The following NSG2 variants were observed in gnomAD, a reference collection of about 807,000 sequenced individuals.
The protein encoded by NSG2 is neuronal vesicle trafficking-associated protein 2.
NSG2 carries 4 observed loss-of-function variants against 16.9 expected under a neutral mutation model. That is an observed-to-expected ratio of 0.24 (90% CI 0.12 to 0.54). The LOEUF (loss-of-function observed/expected upper bound fraction) is 0.54, where lower values mean the gene tolerates loss of function less well. Ranked by LOEUF, NSG2 falls within the 20% of genes least tolerant of loss-of-function variation. The pLI, the probability that NSG2 is intolerant of heterozygous loss-of-function variation, is 0.95. For synonymous variants in NSG2, 98 were observed against 88.7 expected, an observed-to-expected ratio of 1.11 and a Z score of -0.59; for missense variants, 179 against 221.1, an observed-to-expected ratio of 0.81 and a Z score of 1.21.
chr5:174,076,836 C>T (rs992752734), intron 3 of NSG2, among the ~76,000 whole-genome samples: 5 of 152,160 alleles, frequency 3.3e-5, no homozygotes, highest in African/African-American at 1.2e-4. Context: ...CCCTATGATA[C>T]ATAGGACAGC....
chr5:174,095,740 A>G (rs1200873861), intron 3 of NSG2, among the ~76,000 whole-genome samples: 31 of 152,196 alleles, frequency 2.0e-4, no homozygotes, highest in Non-Finnish European at 7.3e-5. Flanking sequence ...TATCCCACGT[A>G]ACCCTCAGAA....
At chr5:174,093,043 T>C (rs563450628) in intron 3 of NSG2, among the ~76,000 whole-genome samples, 4 of 152,302 alleles carry the variant, frequency 2.6e-5, no homozygotes, top group Admixed American at 1.3e-4. Context: ...ACTGTAATGT[T>C]ATTGTAGGTT....
At chr5:174,083,056 C>T (rs373738720) in intron 3 of NSG2, among the ~76,000 whole-genome samples, 3 of 152,204 alleles carry the variant, frequency 2.0e-5, no homozygotes, top group African/African-American at 7.2e-5. Context: ...GCCACTCCAA[C>T]GTCCACACCC....
At chr5:174,080,308 A>G (rs1032708483) in intron 3 of NSG2, among the ~76,000 whole-genome samples, 12 of 148,458 alleles carry the variant, frequency 8.1e-5, no homozygotes, top group African/African-American at 2.7e-4. Flanking sequence ...TATATATGTT[A>G]TATATATATA....
At chr5:174,103,484 A>G (rs1760931666) in intron 3 of NSG2, among the ~76,000 whole-genome samples, 1 of 152,116 alleles carries the variant, frequency 6.6e-6, no homozygotes, top group African/African-American at 2.4e-5. Flanking sequence ...TTAGATGTCC[A>G]AGTAGAGGCG....
rs907531669 is a variant in NSG2 at position 174,072,205 on chromosome 5, CT to C, written c.213+7893del. 1.3e-5 allele frequency among the ~76,000 whole-genome samples: 2 copies of C among 152,354 alleles called. No homozygotes were observed. Among genetic ancestry groups the C allele is most frequent in the African/African-American group, 2.4e-5 (1 of 41,588 alleles). On this transcript the variant is annotated intron_variant, in intron 3 of 4. Transcript: ENST00000303177. This position sits in a 1 kb window ranked among gnomAD's most constrained non-coding sequence, Gnocchi z 4.0. ...CAGCCCTCTCCCTGATCCCTGGCCC[CT>C]TTCCTCAGCAGCCCCAGTCCTTTCT...
intron 2 of NSG2, among the ~76,000 whole-genome samples, chr5:174,053,757 A>G (rs923691725): frequency 3.3e-5 from 5 of 152,208 alleles, no homozygotes; most frequent in East Asian, 3.8e-4. Flanking sequence ...TAAACAAAAT[A>G]TACTTTTTTA....
At chr5:174,046,905 C>G in intron 2 of NSG2, 21 bp downstream of exon 2, 5 of 1,612,798 alleles carry the variant, frequency 3.1e-6, no homozygotes, top group African/African-American at 1.3e-5. Flanking sequence ...TCCTCTTGCT[C>G]TCATCAGCCC....
In NSG2 at chr5:174,091,039, CTT is replaced by C. The variant is rs35022469; in HGVS notation, c.214-13170_214-13169del. On this transcript the variant is annotated intron_variant, in intron 3 of 4. Coordinates refer to ENST00000303177, the MANE Select transcript of NSG2 (RefSeq NM_015980.5). ...TTCTTCTTCCTTCCCCTTCTTCTTC[CTT>C]TTTTTTTTTTTTTTTTTTCCATCAA... Among the ~76,000 whole-genome samples the C allele has an allele frequency of 2.6e-3, 320 of 124,068 alleles. 3 individuals are homozygous for C. The highest frequency in any genetic ancestry group is 6.1e-3 in the African/African-American group (203 of 33,140). The allele number at this position is 124,068 out of a possible 152,430, so 81.4% of individuals were successfully genotyped here. A position where few individuals can be genotyped will look rare whatever the true frequency, so the allele number is the denominator to read the frequency against.
intron 3 of NSG2, among the ~76,000 whole-genome samples, chr5:174,065,362 G>A: frequency 6.6e-6 from 1 of 152,124 alleles, no homozygotes; most frequent in East Asian, 1.9e-4. Flanking sequence ...AGTGAGGCCG[G>A]GCTCTAGGAG....
chr5:174,101,526 G>A (rs1760895668), intron 3 of NSG2, among the ~76,000 whole-genome samples: 2 of 152,208 alleles, frequency 1.3e-5, no homozygotes, highest in African/African-American at 4.8e-5. Flanking sequence ...CATTCTGGGA[G>A]TCTCATCAGA....
Position 174,108,821 on chromosome 5 carries a change from T to TAC in NSG2, c.*1317_*1318dup. The TAC allele has an allele frequency of 6.5e-6, 1 of 152,886 alleles. No homozygotes were observed. Among genetic ancestry groups the TAC allele is most frequent in the East Asian group, 1.9e-4 (1 of 5,318 alleles). The allele number at this position is 152,886 out of a possible 1,614,324, so 9.5% of individuals were successfully genotyped here. On this transcript the variant is annotated 3_prime_UTR_variant, in exon 5 of 5. Transcript: ENST00000303177. ...GGAGAATTGGTTATTTGAGATGTGG[T>TAC]ACTGCTTCCTCACAAGTCTCCCACA... is the stretch of plus-strand genomic sequence containing the variant.
At position 174,087,627 on chromosome 5, in the gene NSG2, TA is replaced by T. The variant is rs796348655; in HGVS notation, c.214-16591del. On this transcript the variant is annotated intron_variant, in intron 3 of 4. Transcript: ENST00000303177. ...AGACTCCATCTCTACAAAAAAATAA[TA>T]AAAAAAAAATAGCTGGGCATAGTGG... 3.3e-4 allele frequency among the ~76,000 whole-genome samples: 48 copies of T among 146,496 alleles called. No homozygotes were observed. The East Asian group carries it at 3.8e-3, about 12-fold the overall frequency.
intron 3 of NSG2, among the ~76,000 whole-genome samples, chr5:174,098,568 C>T (rs867793474): frequency 9.2e-5 from 14 of 152,160 alleles, no homozygotes; most frequent in African/African-American, 3.1e-4. Flanking sequence ...GCCTGGAGCC[C>T]AGTCCCCTCT....
chr5:174,049,050 C>A (rs1380670344), intron 2 of NSG2, among the ~76,000 whole-genome samples: 1 of 151,976 alleles, frequency 6.6e-6, no homozygotes, highest in Non-Finnish European at 1.5e-5. Context: ...TAAAAAAAAA[C>A]CGCAAGAGGC....
At chr5:174,065,232 G>A (rs1760120276) in intron 3 of NSG2, among the ~76,000 whole-genome samples, 1 of 151,974 alleles carries the variant, frequency 6.6e-6, no homozygotes, top group Non-Finnish European at 1.5e-5. Context: ...GGAGGCTGAG[G>A]CAGGAGAATG....
At chr5:174,081,245 CTGT>C (rs1356910269) in intron 3 of NSG2, among the ~76,000 whole-genome samples, 4 of 151,698 alleles carry the variant, frequency 2.6e-5, no homozygotes, top group African/African-American at 9.7e-5. Flanking sequence ...ATGTTATTTC[CTGT>C]TTGCAATTTT....
intron 3 of NSG2, among the ~76,000 whole-genome samples, chr5:174,083,836 T>C (rs1760541889): frequency 6.6e-6 from 1 of 152,206 alleles, no homozygotes; most frequent in Non-Finnish European, 1.5e-5. Context: ...TTCCTTGACC[T>C]GCATAAGTGC....
At chr5:174,063,043 A>ATAG (rs1760078201) in intron 2 of NSG2, among the ~76,000 whole-genome samples, 1 of 152,204 alleles carries the variant, frequency 6.6e-6, no homozygotes, top group African/African-American at 2.4e-5. Flanking sequence ...GAGAATGGAA[A>ATAG]TAGTAGTGAT....
Sources: gnomAD v4.1 joint callset for allele counts (sites outside exome capture counted in the v4.1 genomes callset) on GRCh38, gnomAD v4.1.1 for gene constraint, Gnocchi (gnomAD v3.1) non-coding constraint, MANE v1.5 for transcripts, NCBI Gene and HGNC (gene_info 2026-07-23, HGNC 2026-07-21) for gene names.